Variants in PGCKA1 observed in about 807,000 individuals in gnomAD.
PGCKA1 encodes PDCD10 and GCKIII kinases associated 1.
chr4:37,486,351 A>G, the PGCKA1 span, among the ~76,000 whole-genome samples: 1 of 152,120 alleles, frequency 6.6e-6, no homozygotes, highest in Admixed American at 6.6e-5. Context: ...TTCACACAAA[A>G]CCAAGTCAAT....
chr4:37,522,802 C>T, the PGCKA1 span, among the ~76,000 whole-genome samples: 1 of 151,936 alleles, frequency 6.6e-6, no homozygotes, highest in Non-Finnish European at 1.5e-5. Flanking sequence ...GGAACAGGGG[C>T]CTCAGGACTC....
the PGCKA1 span, among the ~76,000 whole-genome samples, chr4:37,465,608 T>C: frequency 6.6e-6 from 1 of 152,122 alleles, no homozygotes; most frequent in African/African-American, 2.4e-5. Context: ...GCAGACCACA[T>C]GCTAAAAACC....
the PGCKA1 span, among the ~76,000 whole-genome samples, chr4:37,469,389 A>G: frequency 6.6e-6 from 1 of 152,208 alleles, no homozygotes; most frequent in Non-Finnish European, 1.5e-5. Context: ...TTTATTTCTC[A>G]ATAAGCTTCT....
chr4:37,480,855 A>C, the PGCKA1 span, among the ~76,000 whole-genome samples: 1 of 152,254 alleles, frequency 6.6e-6, no homozygotes, highest in Admixed American at 6.5e-5. Context: ...CATTAGGCTG[A>C]TGCCTTTTGG....
chr4:37,579,933 A>C, the PGCKA1 span, among the ~76,000 whole-genome samples: 219 of 152,228 alleles, frequency 1.4e-3, 2 homozygotes, highest in African/African-American at 5.1e-3. Context: ...GCTATTTTCT[A>C]GATCTTGTAG....
At chr4:37,475,352 C>T in the PGCKA1 span, among the ~76,000 whole-genome samples, 1 of 152,126 alleles carries the variant, frequency 6.6e-6, no homozygotes, top group Non-Finnish European at 1.5e-5. Context: ...AAAACTGGAA[C>T]TGCTATCTTA....
the PGCKA1 span, among the ~76,000 whole-genome samples, chr4:37,496,911 T>C: frequency 6.6e-6 from 1 of 152,324 alleles, no homozygotes; most frequent in East Asian, 1.9e-4. Context: ...TGGTTGTTGG[T>C]GTATAGGAAT....
the PGCKA1 span, among the ~76,000 whole-genome samples, chr4:37,499,075 A>G: frequency 6.6e-5 from 10 of 152,350 alleles, no homozygotes; most frequent in East Asian, 1.3e-3. Flanking sequence ...GCATCTATTG[A>G]GAGGATCATA....
At chr4:37,531,065 C>G in the PGCKA1 span, among the ~76,000 whole-genome samples, 1 of 152,124 alleles carries the variant, frequency 6.6e-6, no homozygotes, top group South Asian at 2.1e-4. Context: ...TATATGTGTC[C>G]AGAAATGAAA....
chr4:37,568,693 C>T, the PGCKA1 span, among the ~76,000 whole-genome samples: 1 of 152,208 alleles, frequency 6.6e-6, no homozygotes, highest in Non-Finnish European at 1.5e-5. Flanking sequence ...GGGCGTGGTG[C>T]CCCACGTGCA....
the PGCKA1 span, among the ~76,000 whole-genome samples, chr4:37,462,962 CAAAAAAA>C: frequency 3.3e-5 from 2 of 60,304 alleles, no homozygotes; most frequent in African/African-American, 6.9e-5. Flanking sequence ...GACTCAGTAT[CAAAAAAA>C]AAAAAAAAAA....
At chr4:37,536,935 T>A in the PGCKA1 span, among the ~76,000 whole-genome samples, 1 of 152,224 alleles carries the variant, frequency 6.6e-6, no homozygotes, top group African/African-American at 2.4e-5. Context: ...GTAATACATG[T>A]AGTCTTAGTC....
chr4:37,503,816 A>T, the PGCKA1 span, among the ~76,000 whole-genome samples: 1 of 151,936 alleles, frequency 6.6e-6, no homozygotes, highest in East Asian at 1.9e-4. Flanking sequence ...TTTTTTTCCT[A>T]TGGAGTTGTT....
the PGCKA1 span, among the ~76,000 whole-genome samples, chr4:37,552,241 C>T: frequency 6.6e-6 from 1 of 152,210 alleles, no homozygotes; most frequent in Non-Finnish European, 1.5e-5. Context: ...TTCACTCTGA[C>T]TACCAGTGCA....
chr4:37,579,921 A>G, the PGCKA1 span, among the ~76,000 whole-genome samples: 1 of 152,078 alleles, frequency 6.6e-6, no homozygotes, highest in Non-Finnish European at 1.5e-5. Context: ...TGCCCTTTTG[A>G]GGCTATTTTC....
the PGCKA1 span, among the ~76,000 whole-genome samples, chr4:37,469,229 C>A: frequency 1.3e-5 from 2 of 152,072 alleles, no homozygotes; most frequent in African/African-American, 2.4e-5. Context: ...AATCACCTAG[C>A]GACACCTTTC....
At chr4:37,490,368 A>G in the PGCKA1 span, among the ~76,000 whole-genome samples, 27 of 152,202 alleles carry the variant, frequency 1.8e-4, no homozygotes, top group East Asian at 5.0e-3. Context: ...CTACTTTCAT[A>G]TTGGTATTTT....
the PGCKA1 span, among the ~76,000 whole-genome samples, chr4:37,499,683 T>C: frequency 6.6e-6 from 1 of 152,118 alleles, no homozygotes; most frequent in Non-Finnish European, 1.5e-5. Context: ...ATTTGTGTCT[T>C]CTCTCTTTTT....
chr4:37,461,410 A>G, the PGCKA1 span, among the ~76,000 whole-genome samples: 76,296 of 151,834 alleles, frequency 0.5, 19,539 homozygotes, highest in Admixed American at 0.53. Context: ...ACTTTGGGCA[A>G]TATGGCTATT....
Sources: allele counts gnomAD v4.1 joint callset (sites outside exome capture counted in the v4.1 genomes callset), GRCh38; gene constraint gnomAD v4.1.1; transcripts MANE v1.5; gene names NCBI Gene and HGNC (gene_info 2026-07-23, HGNC 2026-07-21).